PSMD11: variants seen among roughly 807,000 people sequenced by gnomAD.
PSMD11 encodes the protein 26S proteasome non-ATPase regulatory subunit 11.
In PSMD11, 5 loss-of-function variants were observed where a neutral mutation model predicts 62.3. That is an observed-to-expected ratio of 0.08 (90% CI 0.04 to 0.17). The LOEUF (loss-of-function observed/expected upper bound fraction) is 0.17, where lower values mean the gene tolerates loss of function less well. Ranked by LOEUF, PSMD11 falls within the 10% of genes least tolerant of loss-of-function variation. PSMD11 has a pLI of 1.00. For missense variants in PSMD11, 310 were observed against 512.9 expected (o/e 0.60, Z 3.82); for synonymous variants, 191 against 191.8 (o/e 1.00, Z 0.03).
intron 3 of PSMD11, chr17:32,454,842 T>C (rs1365425820): frequency 2.3e-6 from 1 of 434,942 alleles, no homozygotes; most frequent in African/African-American, 2.0e-5. Context: ...GGAATCCTCA[T>C]TACATCAGGG....
intron 1 of PSMD11, chr17:32,446,003 T>G (rs1030014592): frequency 6.6e-6 from 1 of 152,214 alleles, no homozygotes; most frequent in Non-Finnish European, 1.5e-5. Context: ...GAGCATGAAT[T>G]TTAATAGTCT....
intron 6 of PSMD11, among the ~76,000 whole-genome samples, chr17:32,469,446 C>T (rs182729915): frequency 1.3e-5 from 2 of 152,312 alleles, no homozygotes; most frequent in African/African-American, 4.8e-5. Flanking sequence ...AAAGGTCGCA[C>T]GTAGAAGACT....
intron 6 of PSMD11, 66 bp from the exon 7 acceptor site, chr17:32,473,735 C>G (rs765308434): frequency 4.6e-5 from 72 of 1,561,500 alleles, no homozygotes; most frequent in Non-Finnish European, 6.1e-5. Context: ...TAAGCTGCCT[C>G]CCAGCTCTGA....
chr17:32,456,569 G>T (rs542579726), intron 3 of PSMD11, among the ~76,000 whole-genome samples: 1 of 151,968 alleles, frequency 6.6e-6, no homozygotes, highest in Non-Finnish European at 1.5e-5. Context: ...TCGCTCTGTC[G>T]CCCAGGCTGG....
chr17:32,449,746 A>G (rs1907434176), intron 2 of PSMD11, among the ~76,000 whole-genome samples: 1 of 152,234 alleles, frequency 6.6e-6, no homozygotes, highest in African/African-American at 2.4e-5. Context: ...GTTGAGGCCT[A>G]CATATATTTA....
chr17:32,479,951 G>A (rs1443623601), intron 11 of PSMD11, 65 bp downstream of exon 11: 9 of 1,559,926 alleles, frequency 5.8e-6, no homozygotes, highest in Non-Finnish European at 8.0e-6. Context: ...GGTGGCACAT[G>A]CACCTGATTG....
chr17:32,453,369 A>T (rs962716015), intron 2 of PSMD11, among the ~76,000 whole-genome samples: 2 of 152,220 alleles, frequency 1.3e-5, no homozygotes, highest in Admixed American at 1.3e-4. Flanking sequence ...TCTTGAAAGC[A>T]GGAGTATATA....
At chr17:32,475,836 G>A (rs536266713) in intron 8 of PSMD11, among the ~76,000 whole-genome samples, 5 of 151,638 alleles carry the variant, frequency 3.3e-5, no homozygotes, top group East Asian at 3.9e-4. Context: ...CAAGTGATCC[G>A]CCCACCTCAA....
intron 2 of PSMD11, among the ~76,000 whole-genome samples, chr17:32,449,104 G>A (rs1907417039): frequency 6.6e-6 from 1 of 152,110 alleles, no homozygotes; most frequent in African/African-American, 2.4e-5. Context: ...GAAGTGATGT[G>A]AAAATTTTTT....
chr17:32,460,240 T>G (rs1907785057), intron 3 of PSMD11, among the ~76,000 whole-genome samples: 1 of 151,876 alleles, frequency 6.6e-6, no homozygotes, highest in Non-Finnish European at 1.5e-5. Context: ...AACAATTTTT[T>G]TGTAGAGATA....
intron 3 of PSMD11, chr17:32,463,224 C>T (rs1168266938): frequency 6.6e-6 from 1 of 152,232 alleles, no homozygotes; most frequent in East Asian, 1.9e-4. Flanking sequence ...GCATTGAGTG[C>T]TGCTTTAAGT....
intron 5 of PSMD11, among the ~76,000 whole-genome samples, chr17:32,467,163 T>C (rs556657540): frequency 6.6e-6 from 1 of 151,950 alleles, no homozygotes; most frequent in Non-Finnish European, 1.5e-5. Context: ...CAGCCTGGTC[T>C]CGAACTCTTG....
chr17:32,479,590 A>G (rs1347287077), intron 10 of PSMD11: 15 of 735,806 alleles, frequency 2.0e-5, no homozygotes, highest in Non-Finnish European at 2.8e-5. Context: ...ATGTGTTCTG[A>G]GCAGTTTCCT....
chr17:32,453,458 G>C (rs1200581777), intron 2 of PSMD11, among the ~76,000 whole-genome samples: 1 of 152,116 alleles, frequency 6.6e-6, no homozygotes, highest in African/African-American at 2.4e-5. Context: ...GTCATTACTG[G>C]GGAGTGAAGG....
Position 32,450,670 on chromosome 17 carries a change from A to G in PSMD11, c.193+3624A>G, listed in dbSNP as rs543771222. 6.6e-5 allele frequency among the ~76,000 whole-genome samples: 10 copies of G among 152,240 alleles called. No homozygotes were observed. In the South Asian group the frequency reaches 1.9e-3, roughly 28 times the overall value. The stretch of plus-strand genomic sequence containing the variant: ...ATGATTTTATGGGACTTAAAAAAAA[A>G]TTAACTCAGTATGTATGAAAGTGGA... On this transcript the variant is annotated intron_variant, in intron 2 of 13. Transcript: ENST00000261712.
In PSMD11 at chr17:32,464,497, A is replaced by G. The variant is rs761321368; in HGVS notation, c.391-24A>G. 50 of 1,568,288 alleles carry G rather than the reference A, an allele frequency of 3.2e-5. 1 individual carries two copies. The South Asian group carries it at 3.9e-4, about 12-fold the overall frequency. On this transcript the variant is annotated intron_variant, in intron 4 of 13. Transcript: ENST00000261712. ...TCTGTGGCTTTTTCCCCCCCCTTCA[A>G]TCAATGCCTTTTCTCTTTCCTAGGC... is the stretch of plus-strand genomic sequence containing the variant.
At chr17:32,444,783 GTC>G in intron 1 of PSMD11, 169 bp downstream of exon 1, 1 of 735,096 alleles carries the variant, frequency 1.4e-6, no homozygotes, top group South Asian at 1.9e-5. Flanking sequence ...AGCCTCCCAG[GTC>G]TCACTCTTGT....
chr17:32,461,816 A>T (rs941086866), intron 3 of PSMD11, among the ~76,000 whole-genome samples: 1 of 152,108 alleles, frequency 6.6e-6, no homozygotes, highest in Non-Finnish European at 1.5e-5. Flanking sequence ...TACAATTGTG[A>T]TATAGCTTGC....
intron 6 of PSMD11, among the ~76,000 whole-genome samples, chr17:32,473,352 C>T (rs987637700): frequency 9.9e-5 from 15 of 151,656 alleles, no homozygotes; most frequent in Non-Finnish European, 1.9e-4. Flanking sequence ...TCTCGGCTCA[C>T]CGCAACCTCC....
Sources: allele counts gnomAD v4.1 joint callset (sites outside exome capture counted in the v4.1 genomes callset), GRCh38; gene constraint gnomAD v4.1.1; transcripts MANE v1.5; gene names NCBI Gene and HGNC (gene_info 2026-07-23, HGNC 2026-07-21).